The following PHC3 variants were observed in gnomAD, a reference collection of about 807,000 sequenced individuals.
PHC3 encodes polyhomeotic-like protein 3.
In PHC3, 13 loss-of-function variants were observed where a neutral mutation model predicts 107.4. The ratio of observed to expected loss-of-function variants is 0.12; its 90% CI spans 0.08 to 0.19. The LOEUF (loss-of-function observed/expected upper bound fraction) is 0.19, where lower values mean the gene tolerates loss of function less well. PHC3 is among the 10% of genes least tolerant of loss of function. PHC3 has a pLI of 1.00. For synonymous variants in PHC3, 456 were observed against 427.4 expected, an observed-to-expected ratio of 1.07 and a Z score of -0.83; for missense variants, 992 against 1,210.9, an observed-to-expected ratio of 0.82 and a Z score of 2.68.
intron 4 of PHC3, among the ~76,000 whole-genome samples, chr3:170,169,165 A>C (rs1173417696): frequency 6.6e-6 from 1 of 152,050 alleles, no homozygotes; most frequent in Non-Finnish European, 1.5e-5. Flanking sequence ...TGGACTTTGG[A>C]CTTGATTTTT....
intron 4 of PHC3, among the ~76,000 whole-genome samples, chr3:170,168,004 T>C (rs1728987774): frequency 6.6e-6 from 1 of 151,292 alleles, no homozygotes; most frequent in Non-Finnish European, 1.5e-5. Context: ...CTAATAAAAA[T>C]TTTAAAAATG....
At chr3:170,164,633 T>C (rs563295498) in intron 4 of PHC3, among the ~76,000 whole-genome samples, 30 of 152,136 alleles carry the variant, frequency 2.0e-4, no homozygotes, top group African/African-American at 4.6e-4. Context: ...AAAAAATACA[T>C]AGACTGGCTA....
chr3:170,114,736 G>A (rs2108356696), intron 10 of PHC3, among the ~76,000 whole-genome samples: 1 of 152,272 alleles, frequency 6.6e-6, no homozygotes, highest in Non-Finnish European at 1.5e-5. Flanking sequence ...TGAGCCCTCA[G>A]CTAATTTAAA....
rs1171800309 is a variant in PHC3, at chr3:170,087,751, T to C, written c.*9479A>G. 2 of 152,184 alleles carry C rather than the reference T, an allele frequency of 1.3e-5. No homozygotes were observed. Among genetic ancestry groups the C allele is most frequent in the African/African-American group, 4.8e-5 (2 of 41,460 alleles). The allele number at this position is 152,184 out of a possible 1,614,324, so 9.4% of individuals were successfully genotyped here. A position where few individuals can be genotyped will look rare whatever the true frequency, so the allele number is the denominator to read the frequency against. On this transcript the variant is annotated 3_prime_UTR_variant, in exon 15 of 15. Transcript: ENST00000495893. ...AATATTCTATATGAAAATGTGCAGGTAACAAAGGTGCAATTACAAGCAAGT... is the reference window on the plus strand; with the variant it reads ...AATATTCTATATGAAAATGTGCAGGCAACAAAGGTGCAATTACAAGCAAGT...
intron 1 of PHC3, among the ~76,000 whole-genome samples, chr3:170,181,196 G>T (rs193210335): frequency 9.8e-4 from 150 of 152,312 alleles, no homozygotes; most frequent in Admixed American, 3.9e-3. Context: ...CCTCCGGCAC[G>T]AGGGAAGCGG....
chr3:170,100,516 G>A (rs1414723425), intron 14 of PHC3, among the ~76,000 whole-genome samples: 1 of 152,180 alleles, frequency 6.6e-6, no homozygotes, highest in Admixed American at 6.6e-5. Context: ...AAAGAAGAGA[G>A]TCATATTAAC....
At chr3:170,136,686 A>C in intron 6 of PHC3, 21 bp from the exon 7 acceptor site, 1 of 1,608,490 alleles carries the variant, frequency 6.2e-7, no homozygotes, top group South Asian at 1.1e-5. Flanking sequence ...CATAACAGAA[A>C]ATTAGGATGA....
intron 5 of PHC3, 111 bp downstream of exon 5, chr3:170,148,972 ACAC>A: frequency 1.8e-6 from 2 of 1,099,438 alleles, no homozygotes; most frequent in Non-Finnish European, 2.6e-6. Flanking sequence ...ATGCACACAC[ACAC>A]AATTAAACAT....
In PHC3 at chr3:170,091,062, C is replaced by A. The variant is rs757982059; in HGVS notation, c.*6168G>T. Reference sequence around the variant, plus strand: ...ACTAATGACTAGACACCCCACCACTCTCTCATAAACACCAACTTTTTCACC... The same window carrying A: ...ACTAATGACTAGACACCCCACCACTATCTCATAAACACCAACTTTTTCACC... On this transcript the variant is annotated 3_prime_UTR_variant, in exon 15 of 15. Coordinates refer to ENST00000495893, the MANE Select transcript of PHC3 (RefSeq NM_024947.4). The A allele has an allele frequency of 1.3e-5, 2 of 152,150 alleles. No homozygotes were observed. The highest frequency in any genetic ancestry group is 2.4e-5 in the African/African-American group (1 of 41,414). The allele number at this position is 152,150 out of a possible 1,614,324, so 9.4% of individuals were successfully genotyped here.
rs762217400 is a variant in PHC3, at chr3:170,102,560, T to C, written c.2752A>G (p.Ser918Gly). The change falls in exon 14 of 15, where the codon AGT becomes GGT. Residue 918 changes from serine (S) to glycine (G), a missense_variant. Transcript: ENST00000495893. ...DVRIRKMPEN[S>G]DLLPVAQTEP... The stretch of plus-strand genomic sequence containing the variant: ...GTTTGTGCAACTGGTAGCAAGTCAC[T>C]GTTCTCAGGCATTTTCCGAATTCTC... 2 of 1,613,906 alleles carry C rather than the reference T, an allele frequency of 1.2e-6. No individual in the cohort carries two copies. Among genetic ancestry groups the C allele is most frequent in the Non-Finnish European group, 1.7e-6 (2 of 1,179,850 alleles).
At chr3:170,117,862 A>G (rs1019899673) in intron 9 of PHC3, among the ~76,000 whole-genome samples, 9 of 151,994 alleles carry the variant, frequency 5.9e-5, no homozygotes, top group Non-Finnish European at 1.3e-4. Flanking sequence ...AAAAAAACAA[A>G]ATTAGCAGAG....
rs1457559309 is a variant in PHC3, at chr3:170,120,653, G to T, written c.1942+1938C>A. Among the ~76,000 whole-genome samples the T allele has an allele frequency of 5.9e-5, 9 of 152,100 alleles. No homozygotes were observed. In the East Asian group the frequency reaches 1.7e-3, roughly 29 times the overall value. On this transcript the variant is annotated intron_variant, in intron 9 of 14. Transcript: ENST00000495893. ...ACTGTTTTCTACTTTTCAGGAGGAG[G>T]AAAAGATAAAAGAAAATTAAATTTC...
At chr3:170,149,338 T>TAA (rs1322600194) in intron 4 of PHC3, 94 bp from the exon 5 acceptor site, 10 of 1,260,514 alleles carry the variant, frequency 7.9e-6, no homozygotes, top group African/African-American at 3.0e-5. Context: ...ATCAATGGTA[T>TAA]AAACTGTGGC....
intron 8 of PHC3, among the ~76,000 whole-genome samples, chr3:170,127,004 T>C (rs1721421840): frequency 6.6e-6 from 1 of 152,134 alleles, no homozygotes; most frequent in Non-Finnish European, 1.5e-5. Flanking sequence ...TATTTTTTAC[T>C]GGTTAAAAAC....
Position 170,129,023 on chromosome 3 carries a change from C to T in PHC3, c.1449G>A (p.Gln483=), listed in dbSNP as rs765714606. ...SPVVHIGPVQ[Q]SALVSPGQQI... is the part of the protein sequence containing the mutation. ...GCTGGCCTGGGGATACCAAGGCAGA[C>T]TGCTGAACTGGGCCAATGTGTACAA... is the stretch of plus-strand genomic sequence containing the variant. Residue 483 remains glutamine (Q), a synonymous_variant, in exon 8 of 15, where the codon CAG becomes CAA. Transcript: ENST00000495893. The T allele has an allele frequency of 6.2e-7, 1 of 1,613,382 alleles. No individual in the cohort carries two copies. The highest frequency in any genetic ancestry group is 2.2e-5 in the East Asian group (1 of 44,830).
intron 14 of PHC3, among the ~76,000 whole-genome samples, chr3:170,098,343 A>G (rs1270252093): frequency 3.9e-5 from 6 of 152,184 alleles, no homozygotes; most frequent in Non-Finnish European, 5.9e-5. Flanking sequence ...AATACACATA[A>G]AAACTGACAG....
intron 6 of PHC3, among the ~76,000 whole-genome samples, chr3:170,145,017 A>G (rs1724724228): frequency 6.6e-6 from 1 of 152,194 alleles, no homozygotes; most frequent in Admixed American, 6.5e-5. Context: ...CAATTTTTTA[A>G]ATTTTAAATG....
chr3:170,115,823 A>G (rs1389371535), intron 10 of PHC3, among the ~76,000 whole-genome samples: 2 of 151,972 alleles, frequency 1.3e-5, no homozygotes, highest in Non-Finnish European at 2.9e-5. Flanking sequence ...GACAGGGAAA[A>G]AAGACTGTTC....
intron 6 of PHC3, among the ~76,000 whole-genome samples, chr3:170,140,922 T>C (rs1011070701): frequency 8.5e-5 from 13 of 152,088 alleles, no homozygotes; most frequent in Non-Finnish European, 4.4e-5. Context: ...CTCTGCCCTA[T>C]AACATCTTTC....
Sources: allele counts gnomAD v4.1 joint callset (sites outside exome capture counted in the v4.1 genomes callset), GRCh38; gene constraint gnomAD v4.1.1; transcripts MANE v1.5; gene names NCBI Gene and HGNC (gene_info 2026-07-23, HGNC 2026-07-21).